TOGARAM1: variants seen among roughly 807,000 people sequenced by gnomAD.
The protein encoded by TOGARAM1 is TOG array regulator of axonemal microtubules 1, also known as TOG array regulator of axonemal microtubules protein 1.
In TOGARAM1, 100 loss-of-function variants were observed where a neutral mutation model predicts 166.6. That is an observed-to-expected ratio of 0.60 (90% CI 0.51 to 0.71). The LOEUF (loss-of-function observed/expected upper bound fraction) is 0.71. TOGARAM1 is among the 30% of genes least tolerant of loss of function. The pLI is 0.00. For synonymous variants in TOGARAM1, 758 were observed against 763.8 expected (o/e 0.99, Z 0.13); for missense variants, 2,029 against 2,102.7 (o/e 0.96, Z 0.69).
chr14:45,004,020 G>C (rs759965947), intron 3 of TOGARAM1, 41 bp from the exon 4 acceptor site: 1 of 1,522,368 alleles, frequency 6.6e-7, no homozygotes, highest in Non-Finnish European at 8.9e-7. Flanking sequence ...CTGTTAAACT[G>C]TGTATACATA....
chr14:45,022,877 A>G (rs1880605450), intron 7 of TOGARAM1: 1 of 152,068 alleles, frequency 6.6e-6, no homozygotes, highest in Admixed American at 6.6e-5. Context: ...ACCACCAATA[A>G]TAATCTCCTA....
chr14:45,062,698 T>A (rs940016830), intron 16 of TOGARAM1, among the ~76,000 whole-genome samples: 8 of 152,214 alleles, frequency 5.3e-5, no homozygotes, highest in African/African-American at 1.7e-4. Flanking sequence ...AATAAATTAT[T>A]CATTATAAAA....
intron 11 of TOGARAM1, among the ~76,000 whole-genome samples, chr14:45,040,716 C>A (rs536829822): frequency 6.6e-6 from 1 of 151,940 alleles, no homozygotes; most frequent in South Asian, 2.1e-4. Flanking sequence ...TTAAAAGACA[C>A]AAACTACCAA....
chr14:44,965,895 G>A (rs1034179206), intron 1 of TOGARAM1, among the ~76,000 whole-genome samples: 1 of 115,066 alleles, frequency 8.7e-6, no homozygotes, highest in Non-Finnish European at 1.7e-5. Flanking sequence ...TTTTTTTTGA[G>A]ATGGAGTCTC....
rs137951531 is a variant in TOGARAM1, at chr14:45,025,174, G to A, written c.3239-609G>A. Among the ~76,000 whole-genome samples, 501 of 152,244 alleles carry A rather than the reference G, an allele frequency of 3.3e-3. 3 individuals carry two copies. The highest frequency in any genetic ancestry group is 0.011 in the African/African-American group (470 of 41,542). ...ACCTGATCTGTTTTCTGATGTCAGA[G>A]GATTTTCTTTTTGATGACCCTTTTG... On this transcript the variant is annotated intron_variant, in intron 7 of 19. Coordinates refer to ENST00000361462, the MANE Select transcript of TOGARAM1 (RefSeq NM_001308120.2).
chr14:45,028,530 C>T (rs928495235), intron 10 of TOGARAM1, among the ~76,000 whole-genome samples: 5 of 152,094 alleles, frequency 3.3e-5, no homozygotes, highest in Admixed American at 3.3e-4. Context: ...TTGATTATCT[C>T]AAAGGTCCAG....
chr14:44,982,800 G>A (rs1267296271), intron 1 of TOGARAM1, among the ~76,000 whole-genome samples: 1 of 152,148 alleles, frequency 6.6e-6, no homozygotes, highest in African/African-American at 2.4e-5. Flanking sequence ...TTAGTATTTA[G>A]CACATGTGAG....
At chr14:45,032,397 T>G in intron 11 of TOGARAM1, 21 bp downstream of exon 11, 1 of 1,599,790 alleles carries the variant, frequency 6.3e-7, no homozygotes. Context: ...CATCCTTAAC[T>G]TAAAACTAAG....
intron 12 of TOGARAM1, 101 bp downstream of exon 12, chr14:45,043,892 T>C (rs1881850432): frequency 1.5e-6 from 1 of 651,650 alleles, no homozygotes; most frequent in Non-Finnish European, 2.7e-6. Flanking sequence ...CTCTGTACCA[T>C]ATGATATAAA....
intron 11 of TOGARAM1, among the ~76,000 whole-genome samples, chr14:45,041,759 T>G (rs1423676978): frequency 6.6e-6 from 1 of 152,164 alleles, no homozygotes; most frequent in Non-Finnish European, 1.5e-5. Flanking sequence ...AGGGTTGACT[T>G]TTTTTTGTCT....
chr14:45,056,330 A>G (rs1882637498), intron 16 of TOGARAM1, among the ~76,000 whole-genome samples: 1 of 152,126 alleles, frequency 6.6e-6, no homozygotes, highest in African/African-American at 2.4e-5. Flanking sequence ...AACAGGGATA[A>G]TTTGACTTTT....
intron 16 of TOGARAM1, among the ~76,000 whole-genome samples, chr14:45,062,200 CA>C (rs1308392014): frequency 1.3e-5 from 2 of 152,016 alleles, no homozygotes; most frequent in African/African-American, 2.4e-5. Flanking sequence ...CTTGTTCTAT[CA>C]ATTGCTGAGA....
chr14:44,967,755 T>C (rs983084463), intron 1 of TOGARAM1, among the ~76,000 whole-genome samples: 8 of 152,194 alleles, frequency 5.3e-5, no homozygotes, highest in African/African-American at 1.7e-4. Flanking sequence ...TTGCAAATAA[T>C]GAGTTTGAAC....
At chr14:45,014,077 G>A (rs998320955) in intron 7 of TOGARAM1, among the ~76,000 whole-genome samples, 7 of 136,042 alleles carry the variant, frequency 5.1e-5, no homozygotes, top group Admixed American at 1.6e-4. Context: ...CAAGAGTCTC[G>A]CTCTGTCGCT....
intron 1 of TOGARAM1, among the ~76,000 whole-genome samples, chr14:44,966,960 A>G (rs1885584532): frequency 6.6e-6 from 1 of 152,156 alleles, no homozygotes; most frequent in Non-Finnish European, 1.5e-5. Flanking sequence ...AGACTCAAAA[A>G]CAAAATAAAA....
At chr14:45,000,187 CAG>C (rs1358436981) in intron 3 of TOGARAM1, among the ~76,000 whole-genome samples, 1 of 152,014 alleles carries the variant, frequency 6.6e-6, no homozygotes, top group Non-Finnish European at 1.5e-5. Context: ...TTAGTAGAGA[CAG>C]AGTTTCACCA....
chr14:45,008,786 T>A lies in TOGARAM1; in HGVS notation c.2905-127T>A, dbSNP rs79091284. The A allele has an allele frequency of 0.016, 9,825 of 632,806 alleles. 707 individuals carry two copies. The African/African-American group carries it at 0.16, about 10-fold the overall frequency. 39.2% of individuals were successfully genotyped at this position (632,806 alleles called of 1,614,324 possible). ...CTATATACATATATATTAGTATTCATCTTGTTTTAGTACAGGATTGGGAAG... is the reference window on the plus strand; with the variant it reads ...CTATATACATATATATTAGTATTCAACTTGTTTTAGTACAGGATTGGGAAG... On this transcript the variant is annotated intron_variant, in intron 5 of 19. Coordinates refer to ENST00000361462, the MANE Select transcript of TOGARAM1 (RefSeq NM_001308120.2).
intron 16 of TOGARAM1, among the ~76,000 whole-genome samples, chr14:45,065,190 G>C (rs535911006): frequency 6.6e-5 from 9 of 136,924 alleles, no homozygotes; most frequent in Middle Eastern, 3.8e-3. Context: ...AAAATAGATA[G>C]AAAGATAGAG....
intron 10 of TOGARAM1, among the ~76,000 whole-genome samples, chr14:45,029,423 A>G (rs1323906784): frequency 6.6e-6 from 1 of 152,230 alleles, no homozygotes; most frequent in Non-Finnish European, 1.5e-5. Flanking sequence ...TGTAGGCTTT[A>G]AAGATTAGGT....
Sources: gnomAD v4.1 joint callset for allele counts (sites outside exome capture counted in the v4.1 genomes callset) on GRCh38, gnomAD v4.1.1 for gene constraint, MANE v1.5 for transcripts, NCBI Gene and HGNC (gene_info 2026-07-23, HGNC 2026-07-21) for gene names.